The following TSHZ2 variants were observed in gnomAD, a reference collection of about 807,000 sequenced individuals.
The protein encoded by TSHZ2 is teashirt zinc finger homeobox 2, also known as teashirt homolog 2.
TSHZ2 carries 21 observed loss-of-function variants against 74.4 expected under a neutral mutation model. The ratio of observed to expected loss-of-function variants is 0.28; its 90% CI spans 0.20 to 0.41. The LOEUF (loss-of-function observed/expected upper bound fraction) is 0.41. TSHZ2 is among the 10% of genes least tolerant of loss of function. The pLI, the probability that TSHZ2 is intolerant of heterozygous loss-of-function variation, is 1.00. For missense variants in TSHZ2, 1,244 were observed against 1,293.5 expected (o/e 0.96, Z 0.59); for synonymous variants, 540 against 515.3 (o/e 1.05, Z -0.65).
At chr20:53,375,415 G>A (rs574067182) in intron 2 of TSHZ2, among the ~76,000 whole-genome samples, 1 of 152,358 alleles carries the variant, frequency 6.6e-6, no homozygotes, top group Non-Finnish European at 1.5e-5. Flanking sequence ...GACAGGATGT[G>A]AGGGGTGATA....
chr20:53,334,230 A>G (rs1235687878), intron 2 of TSHZ2, among the ~76,000 whole-genome samples: 1 of 152,210 alleles, frequency 6.6e-6, no homozygotes, highest in Non-Finnish European at 1.5e-5. Context: ...GAGAAAAATA[A>G]AGAGAGAAAA....
chr20:53,364,905 C>T lies in TSHZ2; in HGVS notation c.*8+108334C>T, dbSNP rs558055888. Among the ~76,000 whole-genome samples the T allele has an allele frequency of 2.6e-5, 4 of 152,358 alleles. No individual in the cohort carries two copies. In the South Asian group the frequency reaches 8.3e-4, roughly 32 times the overall value. On this transcript the variant is annotated intron_variant, in intron 2 of 2. Transcript: ENST00000371497. The stretch of plus-strand genomic sequence containing the variant: ...CTGTGATAATGGCCAAGTCCTCTGT[C>T]ATCCTGCTGTGGCCTGGAATGGCCC...
chr20:53,382,593 G>A (rs954583187), intron 2 of TSHZ2, among the ~76,000 whole-genome samples: 7 of 152,150 alleles, frequency 4.6e-5, no homozygotes, highest in South Asian at 2.1e-4. Context: ...TAGAAGCTTC[G>A]GGATAATGAC....
At chr20:53,363,430 G>A (rs1052205650) in intron 2 of TSHZ2, among the ~76,000 whole-genome samples, 1 of 152,196 alleles carries the variant, frequency 6.6e-6, no homozygotes, top group Non-Finnish European at 1.5e-5. Context: ...TTTGTTCAAT[G>A]CCAAGGAGCA....
rs1434932526 is a variant in TSHZ2 at position 53,489,052 on chromosome 20, G to T, written c.*1917G>T. Reference sequence around the variant, plus strand: ...TATACCCCTCACATCATCGGATTGAGATGGCAGTCGAAATAGCTTCATTGA... The same window carrying T: ...TATACCCCTCACATCATCGGATTGATATGGCAGTCGAAATAGCTTCATTGA... On this transcript the variant is annotated 3_prime_UTR_variant, in exon 3 of 3. Transcript: ENST00000371497. 5 of 456,082 alleles carry T rather than the reference G, an allele frequency of 1.1e-5. No individual in the cohort carries two copies. The East Asian group carries it at 3.5e-4, about 32-fold the overall frequency. The allele number at this position is 456,082 out of a possible 1,614,324, so 28.3% of individuals were successfully genotyped here.
Position 53,488,979 on chromosome 20 carries a change from T to C in TSHZ2, c.*1844T>C, listed in dbSNP as rs1363489893. ...TTCGGGGAAGGAGGGAAAAAGTAAA[T>C]GAAGTTCCAGGAATGTCATTCTGAA... On this transcript the variant is annotated 3_prime_UTR_variant, in exon 3 of 3. Coordinates refer to ENST00000371497, the MANE Select transcript of TSHZ2 (RefSeq NM_173485.6). The C allele has an allele frequency of 4.4e-6, 2 of 456,034 alleles. No homozygotes were observed. Among genetic ancestry groups the C allele is most frequent in the South Asian group, 1.5e-5 (1 of 64,560 alleles). 28.2% of individuals were successfully genotyped at this position (456,034 alleles called of 1,614,324 possible).
chr20:52,994,391 C>CGGATGGATGGAT (rs796839747), intron 1 of TSHZ2, among the ~76,000 whole-genome samples: 2 of 150,556 alleles, frequency 1.3e-5, no homozygotes, highest in African/African-American at 4.9e-5. Flanking sequence ...GATGGATAAA[C>CGGATGGATGGAT]GGATGGATGG....
chr20:53,040,531 G>A (rs1983999908), intron 1 of TSHZ2, among the ~76,000 whole-genome samples: 2 of 152,048 alleles, frequency 1.3e-5, no homozygotes, highest in South Asian at 2.1e-4. Context: ...ATACAAACTG[G>A]GCTCTCTGAG....
At chr20:53,412,177 G>C (rs550919275) in intron 2 of TSHZ2, among the ~76,000 whole-genome samples, 1 of 152,302 alleles carries the variant, frequency 6.6e-6, no homozygotes, top group East Asian at 1.9e-4. Flanking sequence ...AGGTTAACAC[G>C]TCCGGTCCTG....
At chr20:53,189,618 C>G (rs192320122) in intron 1 of TSHZ2, among the ~76,000 whole-genome samples, 4 of 152,282 alleles carry the variant, frequency 2.6e-5, no homozygotes, top group African/African-American at 7.2e-5. Flanking sequence ...TCCTCATCAT[C>G]CTTTTCCACA....
At chr20:52,984,801 G>C (rs917706229) in intron 1 of TSHZ2, among the ~76,000 whole-genome samples, 1 of 152,116 alleles carries the variant, frequency 6.6e-6, no homozygotes, top group Admixed American at 6.5e-5. Flanking sequence ...GATGGATGGC[G>C]GAAGAGCCAT....
chr20:53,244,063 T>C (rs1990140028), intron 1 of TSHZ2, among the ~76,000 whole-genome samples: 1 of 152,184 alleles, frequency 6.6e-6, no homozygotes, highest in African/African-American at 2.4e-5. Flanking sequence ...GGAAACAAGA[T>C]CACCTTCTAG....
chr20:52,976,970 T>A (rs1004940610), intron 1 of TSHZ2, among the ~76,000 whole-genome samples: 6 of 152,226 alleles, frequency 3.9e-5, no homozygotes, highest in Admixed American at 1.3e-4. Flanking sequence ...TTTGTTTTCA[T>A]GAATGTCCTT....
chr20:53,368,272 GT>G (rs1431311432), intron 2 of TSHZ2, among the ~76,000 whole-genome samples: 1 of 151,558 alleles, frequency 6.6e-6, no homozygotes, highest in African/African-American at 2.4e-5. Context: ...TACCAACGGG[GT>G]TTTGGACTCG....
At chr20:53,175,123 TCTTCTTTC>T (rs1988298585) in intron 1 of TSHZ2, among the ~76,000 whole-genome samples, 1 of 145,488 alleles carries the variant, frequency 6.9e-6, no homozygotes, top group Admixed American at 7.0e-5. Flanking sequence ...TCCTCCTTCT[TCTTCTTTC>T]TTTTTTTTTT....
intron 1 of TSHZ2, among the ~76,000 whole-genome samples, chr20:52,975,222 C>A (rs1162663610): frequency 1.3e-5 from 2 of 151,980 alleles, no homozygotes; most frequent in Non-Finnish European, 1.5e-5. Context: ...TACGGTCCAG[C>A]AAGAAGTGAT....
At chr20:53,234,244 A>T (rs1158870670) in intron 1 of TSHZ2, among the ~76,000 whole-genome samples, 1 of 152,254 alleles carries the variant, frequency 6.6e-6, no homozygotes, top group Non-Finnish European at 1.5e-5. Context: ...GCAAACCCAC[A>T]GCCAACCCAG....
chr20:53,401,134 T>G (rs1221377713), intron 2 of TSHZ2: 1 of 152,188 alleles, frequency 6.6e-6, no homozygotes, highest in Non-Finnish European at 1.5e-5. Context: ...CATGCTTACC[T>G]CTGTGTGCCT....
intron 2 of TSHZ2, among the ~76,000 whole-genome samples, chr20:53,293,700 CA>C (rs11476117): frequency 0.41 from 48,820 of 120,074 alleles, 8,527 homozygotes; most frequent in South Asian, 0.47. Context: ...AACTGGCTCT[CA>C]AAAAAAAAAA....
Sources: gnomAD v4.1 joint callset for allele counts (sites outside exome capture counted in the v4.1 genomes callset) on GRCh38, gnomAD v4.1.1 for gene constraint, MANE v1.5 for transcripts, NCBI Gene and HGNC (gene_info 2026-07-23, HGNC 2026-07-21) for gene names.